The following TRIM44 variants were observed in gnomAD, a reference collection of about 807,000 sequenced individuals.
The protein encoded by TRIM44 is tripartite motif containing 44.
A neutral mutation model predicts 37.4 loss-of-function variants in TRIM44; 13 were observed. The ratio of observed to expected loss-of-function variants is 0.35; its 90% confidence interval spans 0.23 to 0.55. The LOEUF (loss-of-function observed/expected upper bound fraction) is 0.55, where lower values mean the gene tolerates loss of function less well. Ranked by LOEUF, TRIM44 falls within the 20% of genes least tolerant of loss-of-function variation. The pLI, the probability that TRIM44 is intolerant of heterozygous loss-of-function variation, is 0.89. For missense variants in TRIM44, 426 were observed against 437.2 expected (o/e 0.97, Z 0.23); for synonymous variants, 175 against 157.2 (o/e 1.11, Z -0.85).
At chr11:35,719,740 T>C (rs1725192678) in intron 2 of TRIM44, among the ~76,000 whole-genome samples, 2 of 152,174 alleles carry the variant, frequency 1.3e-5, no homozygotes, top group South Asian at 4.1e-4. Flanking sequence ...GTAAGGTCTG[T>C]GTCTAGATTA....
intron 4 of TRIM44, among the ~76,000 whole-genome samples, chr11:35,798,105 G>A (rs56716449): frequency 0.055 from 8,305 of 152,194 alleles, 758 homozygotes; most frequent in African/African-American, 0.19. Flanking sequence ...GGTCCAGAAA[G>A]GCAGGACAAC....
intron 2 of TRIM44, among the ~76,000 whole-genome samples, chr11:35,720,802 C>T (rs1187463296): frequency 6.6e-6 from 1 of 151,724 alleles, no homozygotes; most frequent in Non-Finnish European, 1.5e-5. Context: ...GTGATTTTTC[C>T]TCTTTAGCCT....
At chr11:35,779,873 A>ATTTTTTTTTTTTTTTT (rs11440904) in intron 4 of TRIM44, among the ~76,000 whole-genome samples, 1 of 136,534 alleles carries the variant, frequency 7.3e-6, no homozygotes, top group Non-Finnish European at 1.6e-5. Context: ...CCCTTTGCCT[A>ATTTTTTTTTTTTTTTT]TTTTTTTTTT....
At chr11:35,685,738 A>G (rs1268491165) in intron 2 of TRIM44, among the ~76,000 whole-genome samples, 1 of 151,810 alleles carries the variant, frequency 6.6e-6, no homozygotes, top group East Asian at 1.9e-4. Context: ...ATCTTGGCTC[A>G]CTACAGCCTC....
At chr11:35,695,973 C>T (rs545284681) in intron 2 of TRIM44, among the ~76,000 whole-genome samples, 1 of 150,830 alleles carries the variant, frequency 6.6e-6, no homozygotes, top group South Asian at 2.1e-4. Flanking sequence ...GCTTTCGGGG[C>T]CCTCTGTAGC....
chr11:35,716,063 C>G (rs1564973036), intron 2 of TRIM44, among the ~76,000 whole-genome samples: 1 of 152,070 alleles, frequency 6.6e-6, no homozygotes, highest in Non-Finnish European at 1.5e-5. Context: ...TATCCAAAAG[C>G]ATTTGTTTCT....
intron 4 of TRIM44, among the ~76,000 whole-genome samples, chr11:35,774,790 T>C (rs1293514282): frequency 6.6e-6 from 1 of 152,184 alleles, no homozygotes; most frequent in African/African-American, 2.4e-5. Context: ...ATGTGTGGTA[T>C]TATTTCTTAG....
chr11:35,728,139 A>G (rs1485209254), intron 3 of TRIM44, among the ~76,000 whole-genome samples: 1 of 152,220 alleles, frequency 6.6e-6, no homozygotes, highest in Non-Finnish European at 1.5e-5. Flanking sequence ...TGCCCTGGCC[A>G]ACATGGCAAA....
intron 4 of TRIM44, among the ~76,000 whole-genome samples, chr11:35,746,813 T>G (rs1852497661): frequency 6.6e-6 from 1 of 152,196 alleles, no homozygotes; most frequent in Non-Finnish European, 1.5e-5. Context: ...AATGCTTTCT[T>G]GTCTATAAGC....
chr11:35,721,983 T>C (rs1402677209), intron 2 of TRIM44, among the ~76,000 whole-genome samples: 1 of 152,226 alleles, frequency 6.6e-6, no homozygotes, highest in Non-Finnish European at 1.5e-5. Flanking sequence ...GAAGGAGCTG[T>C]CTTGGAGTAC....
At chr11:35,754,800 C>T (rs1852610295) in intron 4 of TRIM44, among the ~76,000 whole-genome samples, 1 of 152,028 alleles carries the variant, frequency 6.6e-6, no homozygotes, top group Non-Finnish European at 1.5e-5. Flanking sequence ...TGATGGTTTC[C>T]AGCTTCATCC....
At chr11:35,730,359 A>G (rs1564983262) in intron 3 of TRIM44, among the ~76,000 whole-genome samples, 1 of 152,244 alleles carries the variant, frequency 6.6e-6, no homozygotes, top group Non-Finnish European at 1.5e-5. Flanking sequence ...ATAGGACAAT[A>G]ATGAAAGATA....
At chr11:35,703,964 G>A (rs565080169) in intron 2 of TRIM44, among the ~76,000 whole-genome samples, 8 of 152,256 alleles carry the variant, frequency 5.3e-5, no homozygotes, top group African/African-American at 1.7e-4. Context: ...ACTACTCCGA[G>A]CTACAGGAGG....
chr11:35,686,034 C>T (rs749805666), intron 2 of TRIM44, among the ~76,000 whole-genome samples: 4 of 152,194 alleles, frequency 2.6e-5, no homozygotes, highest in African/African-American at 7.2e-5. Context: ...TCAGCACTAG[C>T]GTCTTATCTC....
intron 4 of TRIM44, among the ~76,000 whole-genome samples, chr11:35,766,043 T>G (rs1852794757): frequency 1.3e-5 from 2 of 152,190 alleles, no homozygotes; most frequent in Non-Finnish European, 2.9e-5. Context: ...CAACCAGAGA[T>G]TACTCTCACA....
At chr11:35,771,075 T>C (rs548993579) in intron 4 of TRIM44, among the ~76,000 whole-genome samples, 1 of 152,244 alleles carries the variant, frequency 6.6e-6, no homozygotes, top group East Asian at 1.9e-4. Context: ...TGGAAGCGAC[T>C]TTGGAACTGG....
intron 4 of TRIM44, among the ~76,000 whole-genome samples, chr11:35,771,731 GAAA>G: frequency 7.8e-6 from 1 of 128,666 alleles, no homozygotes; most frequent in African/African-American, 2.9e-5. Context: ...TCTCAAAAAA[GAAA>G]AAAAAAAAAA....
intron 1 of TRIM44, among the ~76,000 whole-genome samples, chr11:35,670,558 T>C (rs1301597450): frequency 1.3e-5 from 2 of 152,208 alleles, no homozygotes; most frequent in Non-Finnish European, 2.9e-5. Flanking sequence ...ACTTAGTACG[T>C]CTTGGAAATC....
intron 2 of TRIM44, among the ~76,000 whole-genome samples, chr11:35,705,352 A>G (rs1188017196): frequency 6.6e-6 from 1 of 152,180 alleles, no homozygotes; most frequent in Non-Finnish European, 1.5e-5. Flanking sequence ...AGACAGATCA[A>G]CGAGACAGAA....
Sources: allele counts gnomAD v4.1 joint callset (sites outside exome capture counted in the v4.1 genomes callset), GRCh38; gene constraint gnomAD v4.1.1; transcripts MANE v1.5; gene names NCBI Gene and HGNC (gene_info 2026-07-23, HGNC 2026-07-21).